TUT4: variants seen among roughly 807,000 people sequenced by gnomAD.
TUT4 encodes the protein terminal uridylyl transferase 4.
A neutral mutation model predicts 192.2 loss-of-function variants in TUT4; 36 were observed. The observed-to-expected ratio is 0.19, with a 90% confidence interval of 0.14 to 0.25. TUT4 has a LOEUF of 0.25. Ranked by LOEUF, TUT4 falls within the 10% of genes least tolerant of loss-of-function variation. The pLI is 1.00. For missense variants in TUT4, 1,493 were observed against 1,957.2 expected, an observed-to-expected ratio of 0.76 and a Z score of 4.47; for synonymous variants, 618 against 666.0, an observed-to-expected ratio of 0.93 and a Z score of 1.11.
intron 3 of TUT4, chr1:52,515,575 C>T (rs1678510152): frequency 2.1e-6 from 1 of 469,008 alleles, no homozygotes; most frequent in Non-Finnish European, 3.7e-6. Context: ...GGCTATATTC[C>T]AATAAAATGT....
In TUT4 at chr1:52,446,581, T is replaced by A. The variant is rs1390015888; in HGVS notation, c.3513+9A>T. The A allele has an allele frequency of 1.3e-5, 20 of 1,597,238 alleles. No homozygotes were observed. Among genetic ancestry groups the A allele is most frequent in the Non-Finnish European group, 1.6e-5 (19 of 1,172,874 alleles). ...GCATTCTAGAACATAAAGACTATTT[T>A]AAAATTACCAGTTCTTCTGTTTTAT... On this transcript the variant is annotated intron_variant, in intron 21 of 29. Transcript: ENST00000257177.
chr1:52,450,164 A>T (rs867079063), intron 20 of TUT4, among the ~76,000 whole-genome samples: 1 of 152,168 alleles, frequency 6.6e-6, no homozygotes, highest in Non-Finnish European at 1.5e-5. Context: ...CCTTAGTAAT[A>T]CCCAGCCATA....
chr1:52,447,004 A>G (rs941420591), intron 20 of TUT4, among the ~76,000 whole-genome samples: 4 of 152,238 alleles, frequency 2.6e-5, no homozygotes, highest in Non-Finnish European at 1.5e-5. Flanking sequence ...CAGTTTCATC[A>G]AAGGATCACA....
intron 29 of TUT4, 138 bp downstream of exon 29, chr1:52,425,211 C>G: frequency 9.0e-7 from 1 of 1,106,010 alleles, no homozygotes; most frequent in East Asian, 2.4e-5. Context: ...CTAGCACCAT[C>G]TGACACACAG....
intron 1 of TUT4, among the ~76,000 whole-genome samples, chr1:52,544,833 G>A (rs1271279741): frequency 6.6e-6 from 1 of 152,092 alleles, no homozygotes; most frequent in Non-Finnish European, 1.5e-5. Flanking sequence ...CAGCCAGGAG[G>A]ATCACTTGAG....
At position 52,475,402 on chromosome 1, in the gene TUT4, T is replaced by C. The variant is rs1330149354; in HGVS notation, c.2157A>G (p.Thr719=). The change falls in exon 13 of 30, where the codon ACA becomes ACG. Residue 719 remains threonine (T), a synonymous_variant. Coordinates refer to ENST00000257177, the MANE Select transcript of TUT4 (RefSeq NM_001009881.3). ...CPQTKGGNKS[T]VDFKKREKGK... is the part of the protein sequence containing the mutation. ...CCTTCTCTCTTTTCTTGAAATCCAC[T>C]GTAGACTTATTTCCACCCTTCGTCT... The C allele has an allele frequency of 3.7e-6, 6 of 1,614,154 alleles. No individual in the cohort carries two copies. In the Admixed American group the frequency reaches 5.0e-5, roughly 13 times the overall value.
intron 2 of TUT4, among the ~76,000 whole-genome samples, chr1:52,522,405 C>G (rs558119201): frequency 4.9e-4 from 75 of 152,274 alleles, no homozygotes; most frequent in African/African-American, 1.5e-3. Context: ...GTGTCCGGTA[C>G]TACATGAAAC....
chr1:52,500,283 T>C (rs1313237187), intron 4 of TUT4, among the ~76,000 whole-genome samples: 3 of 152,214 alleles, frequency 2.0e-5, no homozygotes, highest in African/African-American at 7.2e-5. Context: ...AGCTGGACTC[T>C]GACCTTAGAT....
intron 19 of TUT4, among the ~76,000 whole-genome samples, chr1:52,459,573 A>C (rs762861740): frequency 2.2e-4 from 33 of 152,096 alleles, no homozygotes; most frequent in Non-Finnish European, 3.4e-4. Flanking sequence ...TGGGCAACAG[A>C]GTGGAATCCT....
At chr1:52,540,514 CAAAA>C (rs541547657) in intron 1 of TUT4, among the ~76,000 whole-genome samples, 4 of 113,028 alleles carry the variant, frequency 3.5e-5, no homozygotes, top group African/African-American at 1.2e-4. Flanking sequence ...GACTCCGACT[CAAAA>C]AAAAAAAAAG....
intron 8 of TUT4, among the ~76,000 whole-genome samples, chr1:52,489,383 T>C (rs1428308495): frequency 6.6e-6 from 1 of 152,242 alleles, no homozygotes; most frequent in African/African-American, 2.4e-5. Flanking sequence ...ATCTCTTCAA[T>C]GTCAAATAGT....
intron 4 of TUT4, among the ~76,000 whole-genome samples, chr1:52,497,850 C>T (rs1672850887): frequency 6.6e-6 from 1 of 152,156 alleles, no homozygotes; most frequent in Admixed American, 6.5e-5. Flanking sequence ...CTACTATCTC[C>T]TTCATTCTTT....
At chr1:52,485,800 G>A (rs139939205) in intron 9 of TUT4, among the ~76,000 whole-genome samples, 1 of 151,844 alleles carries the variant, frequency 6.6e-6, no homozygotes, top group East Asian at 1.9e-4. Context: ...TTGATACATG[G>A]ATATATTTCA....
At chr1:52,469,526 C>T (rs968012850) in intron 14 of TUT4, among the ~76,000 whole-genome samples, 1 of 152,092 alleles carries the variant, frequency 6.6e-6, no homozygotes, top group Admixed American at 6.5e-5. Flanking sequence ...GGGGCTAAAA[C>T]GAGCCATGTG....
chr1:52,461,084 T>C, intron 19 of TUT4, 50 bp downstream of exon 19: 1 of 1,433,046 alleles, frequency 7.0e-7, no homozygotes, highest in Non-Finnish European at 9.4e-7. Flanking sequence ...TAGTTATGTT[T>C]CATTTTAATT....
intron 20 of TUT4, 70 bp downstream of exon 20, chr1:52,458,266 A>G (rs1661528506): frequency 1.7e-6 from 2 of 1,169,824 alleles, no homozygotes; most frequent in South Asian, 2.9e-5. Context: ...ACATGAACCA[A>G]GCAAAATCTC....
chr1:52,479,974 G>C (rs532303278), intron 11 of TUT4, among the ~76,000 whole-genome samples: 2 of 141,042 alleles, frequency 1.4e-5, no homozygotes, highest in Non-Finnish European at 3.0e-5. Flanking sequence ...CAGCCTGGGC[G>C]ACAGAGCGAG....
intron 2 of TUT4, among the ~76,000 whole-genome samples, chr1:52,517,696 T>C (rs542230244): frequency 6.6e-6 from 1 of 152,204 alleles, no homozygotes; most frequent in Admixed American, 6.5e-5. Flanking sequence ...GGAATATTGA[T>C]GCACTATAAG....
At chr1:52,467,180 A>C (rs542160024) in intron 15 of TUT4, among the ~76,000 whole-genome samples, 12 of 152,182 alleles carry the variant, frequency 7.9e-5, no homozygotes, top group African/African-American at 2.9e-4. Context: ...TTTTTAATTT[A>C]AAAAATATTT....
Sources: allele counts gnomAD v4.1 joint callset (sites outside exome capture counted in the v4.1 genomes callset), GRCh38; gene constraint gnomAD v4.1.1; transcripts MANE v1.5; gene names NCBI Gene and HGNC (gene_info 2026-07-23, HGNC 2026-07-21).